The following ABCD2 variants were observed in gnomAD, a reference collection of about 807,000 sequenced individuals.
The protein encoded by ABCD2 is ATP-binding cassette sub-family D member 2.
ABCD2 carries 36 observed loss-of-function variants against 70.9 expected under a neutral mutation model. The observed-to-expected ratio is 0.51, with a 90% CI of 0.39 to 0.67. ABCD2 has a LOEUF of 0.67. Among genes scored for constraint, ABCD2 ranks in the 30% least tolerant of loss-of-function variants. The pLI is 0.00. For missense variants in ABCD2, 729 were observed against 890.2 expected (o/e 0.82, Z 2.30); for synonymous variants, 304 against 306.9 (o/e 0.99, Z 0.10).
At chr12:39,596,589 C>T (rs938551188) in intron 6 of ABCD2, among the ~76,000 whole-genome samples, 1 of 152,132 alleles carries the variant, frequency 6.6e-6, no homozygotes, top group African/African-American at 2.4e-5. Context: ...ACTCCAAAGT[C>T]ATGGGTGGGC....
At chr12:39,573,243 T>G (rs1321034598) in intron 9 of ABCD2, among the ~76,000 whole-genome samples, 1 of 152,112 alleles carries the variant, frequency 6.6e-6, no homozygotes, top group African/African-American at 2.4e-5. Flanking sequence ...TAAAAAAATT[T>G]AGCTCATTTT....
At chr12:39,595,206 A>T (rs1941800206) in intron 6 of ABCD2, among the ~76,000 whole-genome samples, 1 of 152,218 alleles carries the variant, frequency 6.6e-6, no homozygotes, top group African/African-American at 2.4e-5. Context: ...ATCTGAGAAA[A>T]TATTTAAGAT....
chr12:39,617,021 G>C lies in ABCD2; in HGVS notation c.1087C>G (p.Pro363Ala). The C allele has an allele frequency of 6.2e-7, 1 of 1,609,754 alleles. No individual in the cohort carries two copies. Among genetic ancestry groups the C allele is most frequent in the South Asian group, 1.1e-5 (1 of 90,144 alleles). ...GCAAAGCCAGTTGCAGTGATAATAGGTATAGCCACCATAATTAGTCCACTG... is the reference window on the plus strand; with the variant it reads ...GCAAAGCCAGTTGCAGTGATAATAGCTATAGCCACCATAATTAGTCCACTG... Reference protein sequence around the residue: ...SSSGLIMVAIPIITATGFADG... With the variant: ...SSSGLIMVAIAIITATGFADG... The change falls in exon 2 of 10, where the codon CCT (proline) becomes GCT (alanine). Residue 363 changes from proline (P) to alanine (A), a missense_variant. Coordinates refer to ENST00000308666, the MANE Select transcript of ABCD2 (RefSeq NM_005164.4).
intron 8 of ABCD2, 111 bp downstream of exon 8, chr12:39,579,424 T>G: frequency 1.4e-6 from 1 of 719,412 alleles, no homozygotes; most frequent in Non-Finnish European, 2.4e-6. Flanking sequence ...GTAAGATATT[T>G]TTAAGCTACA....
chr12:39,566,511 C>A (rs147449329), intron 9 of ABCD2, among the ~76,000 whole-genome samples: 2,379 of 150,592 alleles, frequency 0.016, 76 homozygotes, highest in African/African-American at 0.053. Flanking sequence ...CTATTTGATT[C>A]TTCTCTCTTT....
chr12:39,557,677 A>G (rs781617977), intron 9 of ABCD2, among the ~76,000 whole-genome samples: 2 of 152,136 alleles, frequency 1.3e-5, no homozygotes, highest in Non-Finnish European at 2.9e-5. Flanking sequence ...GTGCAGTCTC[A>G]GGACTTGGTG....
chr12:39,559,508 A>G (rs1241171269), intron 9 of ABCD2, among the ~76,000 whole-genome samples: 4 of 152,078 alleles, frequency 2.6e-5, no homozygotes, highest in Non-Finnish European at 5.9e-5. Context: ...CTGGAGACAT[A>G]TAACTATCTA....
intron 1 of ABCD2, 61 bp from the exon 2 acceptor site, chr12:39,617,229 T>C (rs1490772442): frequency 1.8e-6 from 2 of 1,127,494 alleles, no homozygotes; most frequent in Non-Finnish European, 2.4e-6. Context: ...TATTCTTTTT[T>C]TTTTTTAGTA....
At chr12:39,567,223 C>T (rs893739483) in intron 9 of ABCD2, among the ~76,000 whole-genome samples, 1 of 152,166 alleles carries the variant, frequency 6.6e-6, no homozygotes, top group Non-Finnish European at 1.5e-5. Context: ...CTAATGTCGA[C>T]AGTGGGGTGT....
intron 7 of ABCD2, among the ~76,000 whole-genome samples, chr12:39,580,564 C>A (rs2120618156): frequency 6.6e-6 from 1 of 152,206 alleles, no homozygotes; most frequent in East Asian, 1.9e-4. Flanking sequence ...CTAAGTTATT[C>A]ATTTTTATAA....
At chr12:39,583,137 G>C (rs1941619849) in intron 7 of ABCD2, among the ~76,000 whole-genome samples, 1 of 152,174 alleles carries the variant, frequency 6.6e-6, no homozygotes, top group African/African-American at 2.4e-5. Flanking sequence ...TGGGATTACA[G>C]GTGTGAGCTG....
chr12:39,562,281 A>G (rs192268098), intron 9 of ABCD2, among the ~76,000 whole-genome samples: 2 of 152,174 alleles, frequency 1.3e-5, no homozygotes, highest in Non-Finnish European at 2.9e-5. Context: ...AGGTCAAGGA[A>G]CTGGAAAACA....
chr12:39,552,379 A>G lies in ABCD2; in HGVS notation c.*1533T>C, dbSNP rs1008969921. ...CAACAGGCAAATAAAATCCTAGGCC[A>G]CTAACAACTGATCATTCCAATATTC... On this transcript the variant is annotated 3_prime_UTR_variant, in exon 10 of 10. Transcript: ENST00000308666. 1 of 151,964 alleles carries G rather than the reference A, an allele frequency of 6.6e-6. No homozygotes were observed. Among genetic ancestry groups the G allele is most frequent in the Non-Finnish European group, 1.5e-5 (1 of 67,846 alleles). 9.4% of individuals were successfully genotyped at this position (151,964 alleles called of 1,614,324 possible). A position where few individuals can be genotyped will look rare whatever the true frequency, so the allele number is the denominator to read the frequency against.
At chr12:39,615,404 T>C (rs1942102295) in intron 2 of ABCD2, among the ~76,000 whole-genome samples, 1 of 152,090 alleles carries the variant, frequency 6.6e-6, no homozygotes, top group Non-Finnish European at 1.5e-5. Flanking sequence ...GATTTTAAAG[T>C]GTCACTCTCG....
At position 39,550,223 on chromosome 12, in the gene ABCD2, C is replaced by T. The variant is rs571110841; in HGVS notation, c.*3689G>A. On this transcript the variant is annotated 3_prime_UTR_variant, in exon 10 of 10. Transcript: ENST00000308666. ...TAAGTAAGGCGTATATAGACATATA[C>T]CCAACATGGCCATTTGCAGTATAGA... 4 of 151,634 alleles carry T rather than the reference C, an allele frequency of 2.6e-5. No homozygotes were observed. Among genetic ancestry groups the T allele is most frequent in the East Asian group, 1.9e-4 (1 of 5,186 alleles). The allele number at this position is 151,634 out of a possible 1,614,324, so 9.4% of individuals were successfully genotyped here. A position where few individuals can be genotyped will look rare whatever the true frequency, so the allele number is the denominator to read the frequency against.
the ABCD2 span, among the ~76,000 whole-genome samples, chr12:39,531,500 A>C: frequency 6.6e-6 from 1 of 152,250 alleles, no homozygotes; most frequent in Non-Finnish European, 1.5e-5. Flanking sequence ...GACTAATGTG[A>C]GGAAGTTTTG....
At chr12:39,537,887 T>C in the ABCD2 span, among the ~76,000 whole-genome samples, 7 of 152,202 alleles carry the variant, frequency 4.6e-5, no homozygotes, top group Admixed American at 2.0e-4. Context: ...AATTCCTGGT[T>C]GCTATCAATA....
At chr12:39,580,776 T>C (rs778869126) in intron 7 of ABCD2, among the ~76,000 whole-genome samples, 8 of 152,324 alleles carry the variant, frequency 5.3e-5, no homozygotes, top group South Asian at 4.1e-4. Context: ...AAAAAATCCA[T>C]GTTCTCTGTC....
At chr12:39,580,201 A>G (rs1425464644) in intron 7 of ABCD2, among the ~76,000 whole-genome samples, 3 of 152,192 alleles carry the variant, frequency 2.0e-5, no homozygotes, top group Non-Finnish European at 4.4e-5. Flanking sequence ...TCAGCCTTCC[A>G]AAGTGCTGGG....
Sources: gnomAD v4.1 joint callset for allele counts (sites outside exome capture counted in the v4.1 genomes callset) on GRCh38, gnomAD v4.1.1 for gene constraint, MANE v1.5 for transcripts, NCBI Gene and HGNC (gene_info 2026-07-23, HGNC 2026-07-21) for gene names.